UNC5D: variants seen among roughly 807,000 people sequenced by gnomAD.
UNC5D encodes the protein unc-5 netrin receptor D, also known as netrin receptor UNC5D.
In UNC5D, 39 loss-of-function variants were observed where a neutral mutation model predicts 105.4. The observed-to-expected ratio is 0.37, with a 90% CI of 0.29 to 0.48. UNC5D has a LOEUF of 0.48. Ranked by LOEUF, UNC5D falls within the 20% of genes least tolerant of loss-of-function variation. The pLI, the probability that UNC5D is intolerant of heterozygous loss-of-function variation, is 0.98. For synonymous variants in UNC5D, 452 were observed against 450.4 expected, an observed-to-expected ratio of 1.00 and a Z score of -0.04; for missense variants, 991 against 1,202.4, an observed-to-expected ratio of 0.82 and a Z score of 2.60.
chr8:35,781,658 TA>T (rs2131775579), intron 16 of UNC5D, among the ~76,000 whole-genome samples: 1 of 152,364 alleles, frequency 6.6e-6, no homozygotes, highest in African/African-American at 2.4e-5. Flanking sequence ...TCTAATTTAT[TA>T]GTGTCCTTCA....
intron 1 of UNC5D, among the ~76,000 whole-genome samples, chr8:35,301,244 C>A (rs184924020): frequency 3.9e-5 from 6 of 152,250 alleles, no homozygotes; most frequent in Admixed American, 2.0e-4. Flanking sequence ...CAAGATTCAA[C>A]CTGCAAGAGT....
intron 1 of UNC5D, among the ~76,000 whole-genome samples, chr8:35,282,893 A>G (rs1806294080): frequency 6.6e-6 from 1 of 152,164 alleles, no homozygotes; most frequent in Non-Finnish European, 1.5e-5. Flanking sequence ...GAAGTACTTT[A>G]TAAAGGATTC....
chr8:35,704,820 G>C (rs1453862350), intron 7 of UNC5D, among the ~76,000 whole-genome samples: 1 of 152,118 alleles, frequency 6.6e-6, no homozygotes, highest in Admixed American at 6.5e-5. Context: ...ATAAGCCACA[G>C]AGGCCCAGTC....
intron 1 of UNC5D, among the ~76,000 whole-genome samples, chr8:35,494,292 A>G (rs1217802736): frequency 6.6e-6 from 1 of 152,192 alleles, no homozygotes; most frequent in East Asian, 1.9e-4. Context: ...TTAATCCAAA[A>G]TGTTTCTAAA....
intron 3 of UNC5D, among the ~76,000 whole-genome samples, chr8:35,580,549 GA>G (rs34511059): frequency 3.4e-5 from 5 of 148,526 alleles, no homozygotes; most frequent in African/African-American, 7.4e-5. Flanking sequence ...AAGACTGAAA[GA>G]AAAAAAAAAG....
intron 3 of UNC5D, among the ~76,000 whole-genome samples, chr8:35,570,360 A>T (rs1169350433): frequency 6.6e-6 from 1 of 152,198 alleles, no homozygotes; most frequent in Admixed American, 6.5e-5. Context: ...TAATGTTTTC[A>T]TTGATAAAAG....
In UNC5D at chr8:35,544,365, C is replaced by G; in HGVS notation, c.104-4927C>G. On this transcript the variant is annotated intron_variant, in intron 1 of 16. Coordinates refer to ENST00000404895, the MANE Select transcript of UNC5D (RefSeq NM_080872.4). ...TATCAGTGAGGAACGTTTTCTGCCA[C>G]AAATAACAGAAAATCTATCAGTAGC... is the stretch of plus-strand genomic sequence containing the variant. 17 of 1,587,520 alleles carry G rather than the reference C, an allele frequency of 1.1e-5. No individual in the cohort carries two copies. The South Asian group carries it at 1.8e-4, about 17-fold the overall frequency.
At chr8:35,736,524 A>G (rs530080939) in intron 11 of UNC5D, among the ~76,000 whole-genome samples, 24 of 152,360 alleles carry the variant, frequency 1.6e-4, no homozygotes, top group African/African-American at 4.3e-4. Flanking sequence ...AACAATTACT[A>G]GGAAAACCAA....
intron 1 of UNC5D, among the ~76,000 whole-genome samples, chr8:35,355,689 G>A (rs575110025): frequency 1.5e-4 from 23 of 152,244 alleles, no homozygotes; most frequent in African/African-American, 4.3e-4. Flanking sequence ...AATCGCCAAT[G>A]TGGTAATATT....
chr8:35,699,635 A>G (rs958052346), intron 7 of UNC5D, among the ~76,000 whole-genome samples: 2 of 152,192 alleles, frequency 1.3e-5, no homozygotes, highest in Non-Finnish European at 1.5e-5. Flanking sequence ...AAAACTTCCT[A>G]TTCTCTGTGC....
chr8:35,410,014 G>T (rs74478769), intron 1 of UNC5D, among the ~76,000 whole-genome samples: 2 of 93,814 alleles, frequency 2.1e-5, no homozygotes, highest in African/African-American at 8.9e-5. Flanking sequence ...CCTTCGCATG[G>T]CCTCCTCAAA....
chr8:35,320,467 G>A (rs1231492438), intron 1 of UNC5D, among the ~76,000 whole-genome samples: 1 of 152,052 alleles, frequency 6.6e-6, no homozygotes, highest in African/African-American at 2.4e-5. Flanking sequence ...CTGGATCAGG[G>A]AAAAGACCTG....
chr8:35,654,616 G>A (rs1586347145), intron 4 of UNC5D, among the ~76,000 whole-genome samples: 1 of 152,038 alleles, frequency 6.6e-6, no homozygotes, highest in African/African-American at 2.4e-5. Context: ...GCTTTTCAAA[G>A]TTGTTGGTTT....
chr8:35,722,359 G>A lies in UNC5D; in HGVS notation c.1267G>A (p.Gly423Ser). 2 of 1,614,066 alleles carry A rather than the reference G, an allele frequency of 1.2e-6. No homozygotes were observed. Among genetic ancestry groups the A allele is most frequent in the Non-Finnish European group, 1.7e-6 (2 of 1,180,002 alleles). The change falls in exon 9 of 17, where the codon GGC becomes AGC. Residue 423 changes from glycine (G) to serine (S), a missense_variant. By Grantham distance (56) the Gly-to-Ser change is moderately conservative. Around this residue, in one of 3 missense-constraint regions of UNC5D, gnomAD observed 944 missense variants for 1,131.6 expected, o/e 0.83. Coordinates refer to ENST00000404895, the MANE Select transcript of UNC5D (RefSeq NM_080872.4). ...DVIDSSALTG[G>S]FQTFNFKTVR... is the part of the protein sequence containing the mutation. ...CATTGACTCTTCTGCATTGACAGGT[G>A]GCTTCCAGACCTTCAACTTCAAAAC...
chr8:35,397,422 C>T (rs1804175655), intron 1 of UNC5D, among the ~76,000 whole-genome samples: 1 of 152,208 alleles, frequency 6.6e-6, no homozygotes, highest in African/African-American at 2.4e-5. Flanking sequence ...CCAGCCTAGT[C>T]AACAGTCCTT....
chr8:35,461,222 C>T (rs12679751), intron 1 of UNC5D, among the ~76,000 whole-genome samples: 27,468 of 152,048 alleles, frequency 0.18, 2,871 homozygotes, highest in East Asian at 0.41. Context: ...GGTTAGGGAA[C>T]GGACATTTGA....
chr8:35,640,993 T>G (rs1822675341), intron 4 of UNC5D, among the ~76,000 whole-genome samples: 2 of 152,042 alleles, frequency 1.3e-5, no homozygotes, highest in South Asian at 4.1e-4. Flanking sequence ...ACATCCCTTT[T>G]CTTGGTTTCT....
intron 3 of UNC5D, among the ~76,000 whole-genome samples, chr8:35,591,254 C>CA (rs139945594): frequency 0.051 from 7,547 of 147,020 alleles, 180 homozygotes; most frequent in Middle Eastern, 0.07. Flanking sequence ...ATGCTTTTTA[C>CA]AAAAAAAAAG....
intron 1 of UNC5D, among the ~76,000 whole-genome samples, chr8:35,539,387 A>G (rs1273019587): frequency 3.3e-5 from 5 of 152,208 alleles, no homozygotes; most frequent in Non-Finnish European, 7.3e-5. Context: ...AATGTTTACA[A>G]GTTACAAGAT....
Sources: gnomAD v4.1 joint callset for allele counts (sites outside exome capture counted in the v4.1 genomes callset) on GRCh38, gnomAD v4.1.1 for gene constraint, gnomAD v4.1.1 regional missense constraint, MANE v1.5 for transcripts, NCBI Gene and HGNC (gene_info 2026-07-23, HGNC 2026-07-21) for gene names.